Variants in NXPE2 observed in about 807,000 individuals in gnomAD.
The protein encoded by NXPE2 is neurexophilin and PC-esterase domain family member 2.
Under a neutral mutation model 34.4 loss-of-function variants are expected in NXPE2, and 34 were observed. The observed-to-expected ratio is 0.99, with a 90% CI of 0.75 to 1.31. The LOEUF (loss-of-function observed/expected upper bound fraction) is 1.31, where lower values mean the gene tolerates loss of function less well. Among genes scored for constraint, NXPE2 ranks in the 40% most tolerant of loss-of-function variants. NXPE2 has a pLI of 0.00. For missense variants in NXPE2, 649 were observed against 672.5 expected (o/e 0.97, Z 0.39); for synonymous variants, 235 against 231.3 (o/e 1.02, Z -0.15).
chr11:114,710,997 G>A (rs1196740330), downstream of NXPE2, among the ~76,000 whole-genome samples: 1 of 152,048 alleles, frequency 6.6e-6, no homozygotes, highest in Non-Finnish European at 1.5e-5. Context: ...AAAACTACAT[G>A]ATCATCTCAA....
At chr11:114,694,560 G>T (rs1591436890) in intron 2 of NXPE2, among the ~76,000 whole-genome samples, 1 of 151,780 alleles carries the variant, frequency 6.6e-6, no homozygotes, top group Non-Finnish European at 1.5e-5. Flanking sequence ...TTCTCCTTTT[G>T]GTATTCCCAT....
the NXPE2 span, among the ~76,000 whole-genome samples, chr11:114,477,865 G>A: frequency 1.3e-5 from 2 of 151,778 alleles, no homozygotes; most frequent in African/African-American, 2.4e-5. Flanking sequence ...TTAGAGCATG[G>A]TAAGTTGGTT....
chr11:114,695,372 C>T (rs1331014514), intron 2 of NXPE2, among the ~76,000 whole-genome samples: 2 of 152,276 alleles, frequency 1.3e-5, no homozygotes, highest in South Asian at 4.1e-4. Context: ...GTGACCTTCA[C>T]AAGTGCTTGT....
the NXPE2 span, among the ~76,000 whole-genome samples, chr11:114,799,754 C>T: frequency 1.3e-5 from 2 of 152,314 alleles, no homozygotes; most frequent in South Asian, 4.1e-4. Context: ...GAATCTGCAG[C>T]CAGAGGGAGC....
At chr11:114,761,943 C>T in the NXPE2 span, among the ~76,000 whole-genome samples, 2 of 152,164 alleles carry the variant, frequency 1.3e-5, no homozygotes, top group Non-Finnish European at 2.9e-5. Context: ...TTTACATGTG[C>T]TGAGCTTTGG....
At chr11:114,811,394 C>T in the NXPE2 span, among the ~76,000 whole-genome samples, 1 of 151,822 alleles carries the variant, frequency 6.6e-6, no homozygotes, top group Non-Finnish European at 1.5e-5. Context: ...AGACCACACA[C>T]ACAAAAAAAA....
the NXPE2 span, among the ~76,000 whole-genome samples, chr11:114,599,381 CTCTTATATTCTTGTCT>C: frequency 6.6e-6 from 1 of 152,292 alleles, no homozygotes; most frequent in East Asian, 1.9e-4. Context: ...TCCAAAGTTT[CTCTTATATTCTTGTCT>C]TCTTCTGGGC....
At chr11:114,756,950 A>G in the NXPE2 span, among the ~76,000 whole-genome samples, 3 of 152,108 alleles carry the variant, frequency 2.0e-5, no homozygotes, top group Non-Finnish European at 4.4e-5. Context: ...GGATTAACCA[A>G]TATGTCACTG....
the NXPE2 span, among the ~76,000 whole-genome samples, chr11:114,508,552 C>A: frequency 1.3e-5 from 2 of 152,096 alleles, no homozygotes; most frequent in African/African-American, 4.8e-5. Flanking sequence ...TACACAGAGA[C>A]CAATGCCACA....
At chr11:114,470,859 A>C in the NXPE2 span, among the ~76,000 whole-genome samples, 2 of 152,182 alleles carry the variant, frequency 1.3e-5, no homozygotes, top group Non-Finnish European at 2.9e-5. Context: ...TGCTTTACTC[A>C]GAGTCTACTG....
At chr11:114,584,119 G>C in the NXPE2 span, 13 of 292,450 alleles carry the variant, frequency 4.4e-5, no homozygotes, top group African/African-American at 2.9e-4. Flanking sequence ...AATCTGTCAA[G>C]AGTGTCAACC....
chr11:114,582,394 A>G, the NXPE2 span: 2 of 1,614,096 alleles, frequency 1.2e-6, no homozygotes, highest in South Asian at 2.2e-5. Context: ...CTCACACAGT[A>G]GAAGCCTTCT....
At chr11:114,500,946 C>A in the NXPE2 span, among the ~76,000 whole-genome samples, 23 of 151,978 alleles carry the variant, frequency 1.5e-4, no homozygotes, top group African/African-American at 5.6e-4. Flanking sequence ...GGGTCTTTTT[C>A]TGGACTTTCT....
chr11:114,513,005 G>T, the NXPE2 span: 1,841 of 372,866 alleles, frequency 4.9e-3, 9 homozygotes, highest in Non-Finnish European at 8.0e-3. Context: ...CCTTCACTGG[G>T]GTGGGTGAGC....
chr11:114,767,269 C>T, the NXPE2 span, among the ~76,000 whole-genome samples: 1 of 152,142 alleles, frequency 6.6e-6, no homozygotes, highest in Non-Finnish European at 1.5e-5. Context: ...ATCCCCTGCA[C>T]AATTATTTTA....
chr11:114,807,423 C>CA, the NXPE2 span, among the ~76,000 whole-genome samples: 1 of 152,116 alleles, frequency 6.6e-6, no homozygotes. Flanking sequence ...CAAGACCCAT[C>CA]AGTGTGCTGT....
At chr11:114,615,417 G>A in the NXPE2 span, among the ~76,000 whole-genome samples, 4 of 151,902 alleles carry the variant, frequency 2.6e-5, no homozygotes, top group South Asian at 6.2e-4. Flanking sequence ...TTACCCTATG[G>A]AGAATAAGTA....
the NXPE2 span, among the ~76,000 whole-genome samples, chr11:114,639,825 T>A: frequency 1.7e-5 from 2 of 116,824 alleles, no homozygotes; most frequent in Non-Finnish European, 3.2e-5. Flanking sequence ...TAAAATATAA[T>A]ATATATTATA....
At chr11:114,536,872 A>G in the NXPE2 span, among the ~76,000 whole-genome samples, 1 of 152,248 alleles carries the variant, frequency 6.6e-6, no homozygotes, top group Admixed American at 6.5e-5. Context: ...AGCTGGTACT[A>G]TTCCATCTGA....
Sources: gnomAD v4.1 joint callset for allele counts (sites outside exome capture counted in the v4.1 genomes callset) on GRCh38, gnomAD v4.1.1 for gene constraint, MANE v1.5 for transcripts, NCBI Gene and HGNC (gene_info 2026-07-23, HGNC 2026-07-21) for gene names.